TNRC6A: variants seen among roughly 807,000 people sequenced by gnomAD.
TNRC6A encodes the protein trinucleotide repeat-containing gene 6A protein.
TNRC6A carries 44 observed loss-of-function variants against 221.2 expected under a neutral mutation model. The ratio of observed to expected loss-of-function variants is 0.20; its 90% confidence interval spans 0.16 to 0.26. TNRC6A has a LOEUF of 0.26. Among genes scored for constraint, TNRC6A ranks in the 10% least tolerant of loss-of-function variants. The probability of loss-of-function intolerance (pLI) is 1.00; values close to 1 mark genes in which losing one functional copy is unlikely to be tolerated. For synonymous variants in TNRC6A, 847 were observed against 838.5 expected, an observed-to-expected ratio of 1.01 and a Z score of -0.18; for missense variants, 2,199 against 2,404.4, an observed-to-expected ratio of 0.91 and a Z score of 1.79.
chr16:24,655,595 A>G (rs556147555), intron 2 of TNRC6A, among the ~76,000 whole-genome samples: 1 of 152,136 alleles, frequency 6.6e-6, no homozygotes, highest in African/African-American at 2.4e-5. Flanking sequence ...AGGCTGAAGT[A>G]GAAGAATTGC....
chr16:24,740,307 A>G (rs1306376209), intron 2 of TNRC6A, among the ~76,000 whole-genome samples: 3 of 152,158 alleles, frequency 2.0e-5, no homozygotes, highest in Non-Finnish European at 4.4e-5. Context: ...TTGCATTTCT[A>G]TGTGAATTTT....
At chr16:24,711,000 C>A (rs572815749) in intron 2 of TNRC6A, among the ~76,000 whole-genome samples, 1 of 152,042 alleles carries the variant, frequency 6.6e-6, no homozygotes, top group African/African-American at 2.4e-5. Flanking sequence ...CTTAGCCTCC[C>A]GAGTAGCTGG....
intron 13 of TNRC6A, 32 bp downstream of exon 13, chr16:24,804,883 T>G: frequency 6.2e-7 from 1 of 1,613,512 alleles, no homozygotes; most frequent in Non-Finnish European, 8.5e-7. Flanking sequence ...AGGCTCTCAG[T>G]TGAATGATTT....
chr16:24,694,421 C>T (rs1403156006), intron 2 of TNRC6A, among the ~76,000 whole-genome samples: 1 of 151,950 alleles, frequency 6.6e-6, no homozygotes, highest in African/African-American at 2.4e-5. Flanking sequence ...TTTGGGAGGC[C>T]GAGGCCGGTG....
At chr16:24,813,635 C>G (rs1427784581) in intron 18 of TNRC6A, among the ~76,000 whole-genome samples, 1 of 152,194 alleles carries the variant, frequency 6.6e-6, no homozygotes, top group Non-Finnish European at 1.5e-5. Context: ...CCATCATTGC[C>G]ATTACTGCCT....
At chr16:24,657,334 A>C (rs1356280763) in intron 2 of TNRC6A, among the ~76,000 whole-genome samples, 2 of 146,410 alleles carry the variant, frequency 1.4e-5, no homozygotes, top group African/African-American at 5.2e-5. Context: ...AAAAAAAAAA[A>C]AAAAAAAACA....
intron 1 of TNRC6A, among the ~76,000 whole-genome samples, chr16:24,633,614 C>T (rs1447645332): frequency 1.3e-5 from 2 of 152,164 alleles, no homozygotes; most frequent in African/African-American, 2.4e-5. Flanking sequence ...AGGCAGACCT[C>T]GAACTCCTGA....
rs935351078 is a variant in TNRC6A, at chr16:24,645,723, G to A, written n.402+4714G>A. ...CATTAAAAATATTTTGCAGCCAGGC[G>A]CGGTGGCTCATGCCTGTAATCCCAG... On this transcript the variant is annotated intron_variant and non_coding_transcript_variant, in intron 2 of 2. Transcript: ENST00000566108. Among the ~76,000 whole-genome samples, 12 of 149,884 alleles carry A rather than the reference G, an allele frequency of 8.0e-5. No individual in the cohort carries two copies. In the South Asian group the frequency reaches 1.1e-3, roughly 13 times the overall value.
At chr16:24,796,014 T>C in intron 9 of TNRC6A, 75 bp downstream of exon 9, 1 of 1,519,986 alleles carries the variant, frequency 6.6e-7, no homozygotes, top group Non-Finnish European at 9.1e-7. Flanking sequence ...AAACATTTAT[T>C]TAGCCTCTGC....
At position 24,729,687 on chromosome 16, in the gene TNRC6A, G is replaced by GTGTCGGCGGCGGTGTCGGTGT. The variant is rs577598452; in HGVS notation, c.-155_-154insTGTCGGCGGCGGTGTCGGTGT. ...GGGGCCTGCGGCGGCGGCGGTGTCG[G>GTGTCGGCGGCGGTGTCGGTGT]CGGCGGCGGCGGCGGCGGCGGCGGC... On this transcript the variant is annotated 5_prime_UTR_variant, in exon 1 of 25. Coordinates refer to ENST00000395799, the MANE Select transcript of TNRC6A (RefSeq NM_014494.4). 3.8e-6 allele frequency: 1 copy of GTGTCGGCGGCGGTGTCGGTGT among 263,992 alleles called. No homozygotes were observed. Among genetic ancestry groups the GTGTCGGCGGCGGTGTCGGTGT allele is most frequent in the African/African-American group, 4.2e-5 (1 of 23,918 alleles). 16.4% of individuals were successfully genotyped at this position (263,992 alleles called of 1,614,324 possible).
In TNRC6A at chr16:24,791,030, A is replaced by C; in HGVS notation, c.2388A>C (p.Lys796Asn). 6.3e-7 allele frequency: 1 copy of C among 1,591,376 alleles called. No homozygotes were observed. The highest frequency in any genetic ancestry group is 8.6e-7 in the Non-Finnish European group (1 of 1,168,648). Residue 796 changes from lysine to asparagine, a missense_variant, in exon 6 of 25, where the codon AAA (lysine) becomes AAC (asparagine). This residue lies in a region of TNRC6A where 1,405 missense variants were observed against 1,400.2 expected (regional missense o/e 1.00). Transcript: ENST00000395799. ...CTGCTCTGAGGTGGGGAGATTCCAA[A>C]GGCTCAAACTGCCAGGGGGGGTGGG... ...PKPALRWGDS[K>N]GSNCQGGWED...
rs994321514 is a variant in TNRC6A at position 24,701,361 on chromosome 16, T to A, written n.403-49365T>A. On this transcript the variant is annotated intron_variant and non_coding_transcript_variant, in intron 2 of 2. Transcript: ENST00000566108. ...CCCTCTCCCACCCACCTTACTAACT[T>A]TTTTTTCTTTTTTTTTTTTTTTGAG... is the stretch of plus-strand genomic sequence containing the variant. Among the ~76,000 whole-genome samples the A allele has an allele frequency of 2.6e-3, 101 of 39,286 alleles. No homozygotes were observed. The African/African-American group carries it at 0.033, about 13-fold the overall frequency. 25.8% of individuals were successfully genotyped at this position (39,286 alleles called of 152,430 possible).
At chr16:24,729,621 C>T (rs2056560482), upstream of TNRC6A, 1 of 440,186 alleles carries the variant, frequency 2.3e-6, no homozygotes, top group East Asian at 3.7e-5. Context: ...GCCGTGGCGC[C>T]CCCGGAAGGG....
At chr16:24,715,119 G>T (rs1448241346) in intron 2 of TNRC6A, among the ~76,000 whole-genome samples, 3 of 151,940 alleles carry the variant, frequency 2.0e-5, no homozygotes, top group Non-Finnish European at 4.4e-5. Context: ...CTCATGATCT[G>T]CCTGCCTCAG....
chr16:24,637,606 G>A (rs1480605016), intron 1 of TNRC6A, among the ~76,000 whole-genome samples: 1 of 152,132 alleles, frequency 6.6e-6, no homozygotes. Context: ...AGTTACTGTG[G>A]GAAGGAAGGT....
At chr16:24,699,187 C>T (rs940392567) in intron 2 of TNRC6A, among the ~76,000 whole-genome samples, 3 of 152,112 alleles carry the variant, frequency 2.0e-5, no homozygotes, top group Non-Finnish European at 4.4e-5. Context: ...CTGTTGAGCA[C>T]CAGTGTGTAT....
intron 2 of TNRC6A, among the ~76,000 whole-genome samples, chr16:24,712,909 G>GTGTGTGTGTGTGTT (rs1487570994): frequency 7.7e-5 from 1 of 12,960 alleles, no homozygotes; most frequent in East Asian, 5.2e-4. Flanking sequence ...ATGTGCCACT[G>GTGTGTGTGTGTGTT]TGTGTGTGTG....
chr16:24,767,972 C>T (rs2057508676), intron 4 of TNRC6A, among the ~76,000 whole-genome samples: 1 of 152,064 alleles, frequency 6.6e-6, no homozygotes, highest in South Asian at 2.1e-4. Context: ...ACATGAGAAC[C>T]CCATGTGATA....
chr16:24,623,894 C>G (rs1900813770), intron 1 of TNRC6A, among the ~76,000 whole-genome samples: 1 of 96,972 alleles, frequency 1.0e-5, no homozygotes, highest in Admixed American at 1.4e-4. Flanking sequence ...GGAGCAAGAC[C>G]CTGTCTCAAA....
Sources: allele counts gnomAD v4.1 joint callset (sites outside exome capture counted in the v4.1 genomes callset), GRCh38; gene constraint gnomAD v4.1.1; regional missense constraint gnomAD v4.1.1; transcripts MANE v1.5; gene names NCBI Gene and HGNC (gene_info 2026-07-23, HGNC 2026-07-21).